Variants in UBE2R2 observed in about 807,000 individuals in gnomAD.
The protein encoded by UBE2R2 is ubiquitin-conjugating enzyme E2 R2.
Under a neutral mutation model 27.8 loss-of-function variants are expected in UBE2R2, and 1 was observed. The ratio of observed to expected loss-of-function variants is 0.04; its 90% CI spans 0.01 to 0.17. The LOEUF (loss-of-function observed/expected upper bound fraction) is 0.17, where lower values mean the gene tolerates loss of function less well. Ranked by LOEUF, UBE2R2 falls within the 10% of genes least tolerant of loss-of-function variation. The pLI, the probability that UBE2R2 is intolerant of heterozygous loss-of-function variation, is 1.00. For synonymous variants in UBE2R2, 106 were observed against 113.3 expected, an observed-to-expected ratio of 0.94 and a Z score of 0.41; for missense variants, 100 against 291.0, an observed-to-expected ratio of 0.34 and a Z score of 4.78.
chr9:33,850,313 T>C (rs954524686), intron 1 of UBE2R2, among the ~76,000 whole-genome samples: 2 of 152,166 alleles, frequency 1.3e-5, no homozygotes, highest in African/African-American at 4.8e-5. Flanking sequence ...TCTTAGGAGT[T>C]AGGGATGCCC....
chr9:33,895,269 G>T (rs773137516), intron 2 of UBE2R2, among the ~76,000 whole-genome samples: 4 of 152,106 alleles, frequency 2.6e-5, no homozygotes, highest in Non-Finnish European at 5.9e-5. Context: ...TTTGTTTGTA[G>T]AAATCCAGTT....
intron 1 of UBE2R2, chr9:33,831,182 C>T (rs1820469485): frequency 6.6e-6 from 1 of 151,824 alleles, no homozygotes; most frequent in African/African-American, 2.4e-5. Flanking sequence ...TGCCTCACAC[C>T]TGTAATCCTA....
At chr9:33,833,492 C>T (rs1191810928) in intron 1 of UBE2R2, among the ~76,000 whole-genome samples, 1 of 152,196 alleles carries the variant, frequency 6.6e-6, no homozygotes, top group Non-Finnish European at 1.5e-5. Context: ...CTGTGCCCGG[C>T]TGATATGGTC....
At chr9:33,856,187 A>G (rs956747401) in intron 1 of UBE2R2, among the ~76,000 whole-genome samples, 1 of 152,138 alleles carries the variant, frequency 6.6e-6, no homozygotes, top group Non-Finnish European at 1.5e-5. Flanking sequence ...CAAAATGTAA[A>G]TGCTTTTTTT....
rs1822706552 is a variant in UBE2R2 at position 33,918,303 on chromosome 9, C to T, written c.*1066C>T. ...ATCCTAGGTGCATGTGTTAAGATTT[C>T]GGTTTTCATCGAGCTGCTTATACTG... On this transcript the variant is annotated 3_prime_UTR_variant, in exon 5 of 5. Transcript: ENST00000263228. The T allele has an allele frequency of 6.6e-6, 1 of 151,994 alleles. No homozygotes were observed. Among genetic ancestry groups the T allele is most frequent in the South Asian group, 2.1e-4 (1 of 4,822 alleles). 9.4% of individuals were successfully genotyped at this position (151,994 alleles called of 1,614,324 possible).
intron 2 of UBE2R2, among the ~76,000 whole-genome samples, chr9:33,892,213 A>AAT (rs1186270386): frequency 6.6e-6 from 1 of 152,100 alleles, no homozygotes; most frequent in African/African-American, 2.4e-5. Flanking sequence ...AGTGAGCCTT[A>AAT]ATATATATGT....
chr9:33,908,482 TCTGCTCTTCAGACAGAAAAAAGATC>T (rs144811795), intron 3 of UBE2R2, among the ~76,000 whole-genome samples: 12,254 of 152,116 alleles, frequency 0.081, 729 homozygotes, highest in Non-Finnish European at 0.12. Flanking sequence ...AAAGAAAGAT[TCTGCTCTTCAGACAGAAAAAAGATC>T]CTGCTCTTCA....
In UBE2R2 at chr9:33,916,907, C is replaced by T. The variant is rs1333603701; in HGVS notation, c.498-111C>T. 11 of 1,467,580 alleles carry T rather than the reference C, an allele frequency of 7.5e-6. No individual in the cohort carries two copies. In the Middle Eastern group the frequency reaches 7.5e-4, roughly 100 times the overall value. The allele number at this position is 1,467,580 out of a possible 1,614,324, so 90.9% of individuals were successfully genotyped here. A position where few individuals can be genotyped will look rare whatever the true frequency, so the allele number is the denominator to read the frequency against. On this transcript the variant is annotated intron_variant, in intron 4 of 4. Coordinates refer to ENST00000263228, the MANE Select transcript of UBE2R2 (RefSeq NM_017811.4). Reference sequence around the variant, plus strand: ...TCTGTCAGATGCTTTCAGGCAGGTACTGAAGTTTGGAGAGCTGAGTCATAA... The same window carrying T: ...TCTGTCAGATGCTTTCAGGCAGGTATTGAAGTTTGGAGAGCTGAGTCATAA...
intron 2 of UBE2R2, among the ~76,000 whole-genome samples, chr9:33,897,916 C>G (rs1401779418): frequency 2.6e-5 from 4 of 151,424 alleles, no homozygotes; most frequent in African/African-American, 7.3e-5. Context: ...GCTAGGATTA[C>G]AGGCATGCAC....
chr9:33,864,975 T>C (rs1025037149), intron 1 of UBE2R2, among the ~76,000 whole-genome samples: 7 of 151,904 alleles, frequency 4.6e-5, no homozygotes, highest in African/African-American at 1.2e-4. Flanking sequence ...CTGCCCACCT[T>C]GGCCTCCCAA....
rs571247095 is a variant in UBE2R2, at chr9:33,909,410, C to T, written c.363-2554C>T. On this transcript the variant is annotated intron_variant, in intron 3 of 4. Transcript: ENST00000263228. The stretch of plus-strand genomic sequence containing the variant: ...GGCTGAGGCAGGGAAATCGCTTGAA[C>T]CCGGGAGGCGGAGGTTGCAGTGAGC... Among the ~76,000 whole-genome samples, 9 of 152,286 alleles carry T rather than the reference C, an allele frequency of 5.9e-5. No individual in the cohort carries two copies. The South Asian group carries it at 1.2e-3, about 21-fold the overall frequency.
chr9:33,868,596 C>T (rs1443597193), intron 1 of UBE2R2: 1 of 152,382 alleles, frequency 6.6e-6, no homozygotes, highest in Non-Finnish European at 1.5e-5. Flanking sequence ...AAGGGCAGCA[C>T]TGCTAATGCC....
At chr9:33,857,461 G>A (rs1821133037) in intron 1 of UBE2R2, among the ~76,000 whole-genome samples, 1 of 151,962 alleles carries the variant, frequency 6.6e-6, no homozygotes, top group Admixed American at 6.6e-5. Flanking sequence ...TGGAATTACA[G>A]GTGTGCGCCA....
At chr9:33,867,791 C>T (rs1821396608) in intron 1 of UBE2R2, among the ~76,000 whole-genome samples, 1 of 152,160 alleles carries the variant, frequency 6.6e-6, no homozygotes. Context: ...TGGTGGTATG[C>T]GCCTGTACTC....
intron 1 of UBE2R2, among the ~76,000 whole-genome samples, chr9:33,831,257 G>A (rs755396251): frequency 1.3e-5 from 2 of 151,868 alleles, no homozygotes; most frequent in African/African-American, 2.4e-5. Context: ...GCCGAGCAAC[G>A]TAGTGAGACC....
chr9:33,879,091 G>T (rs1821675923), intron 1 of UBE2R2, among the ~76,000 whole-genome samples: 1 of 152,060 alleles, frequency 6.6e-6, no homozygotes, highest in East Asian at 1.9e-4. Flanking sequence ...CAAAAATTTA[G>T]CTGGGCATGG....
intron 3 of UBE2R2, among the ~76,000 whole-genome samples, chr9:33,911,555 T>C (rs1443219819): frequency 6.6e-6 from 1 of 152,066 alleles, no homozygotes; most frequent in Non-Finnish European, 1.5e-5. Context: ...ATAAACAGTA[T>C]TTGAAAGCTT....
At position 33,891,055 on chromosome 9, in the gene UBE2R2, G is replaced by GTTTTTTTTTTTGT. The variant is rs1554676135; in HGVS notation, c.264+4099_264+4100insGTTTTTTTTTTTT. On this transcript the variant is annotated intron_variant, in intron 2 of 4. Transcript: ENST00000263228. Reference sequence around the variant, plus strand: ...TTTTTTGTTGTTGTTGTGTTTTTTTGTTTTTTTTTTTTGAGATGGAGTCTT... The same window carrying GTTTTTTTTTTTGT: ...TTTTTTGTTGTTGTTGTGTTTTTTTGTTTTTTTTTTTGTTTTTTTTTTTTTGAGATGGAGTCTT... Among the ~76,000 whole-genome samples, 184 of 126,124 alleles carry GTTTTTTTTTTTGT rather than the reference G, an allele frequency of 1.5e-3. 3 individuals are homozygous for GTTTTTTTTTTTGT. The highest frequency in any genetic ancestry group is 4.6e-3 in the African/African-American group (170 of 37,120). 82.7% of individuals were successfully genotyped at this position (126,124 alleles called of 152,430 possible).
chr9:33,874,483 G>C (rs1821560689), intron 1 of UBE2R2, among the ~76,000 whole-genome samples: 2 of 151,952 alleles, frequency 1.3e-5, no homozygotes, highest in Non-Finnish European at 2.9e-5. Flanking sequence ...CATTGTTAAT[G>C]GTTAGGAATG....
Sources: allele counts gnomAD v4.1 joint callset (sites outside exome capture counted in the v4.1 genomes callset), GRCh38; gene constraint gnomAD v4.1.1; transcripts MANE v1.5; gene names NCBI Gene and HGNC (gene_info 2026-07-23, HGNC 2026-07-21).